NXPH1: variants seen among roughly 807,000 people sequenced by gnomAD.
The protein encoded by NXPH1 is neurexophilin 1.
In NXPH1, 5 loss-of-function variants were observed where a neutral mutation model predicts 23.7. The observed-to-expected ratio is 0.21, with a 90% CI of 0.11 to 0.44. The LOEUF is 0.44. Among genes scored for constraint, NXPH1 ranks in the 20% least tolerant of loss-of-function variants. The pLI is 0.99. For synonymous variants in NXPH1, 144 were observed against 122.2 expected, an observed-to-expected ratio of 1.18 and a Z score of -1.18; for missense variants, 324 against 321.6, an observed-to-expected ratio of 1.01 and a Z score of -0.06.
chr7:8,512,500 G>T (rs1281318051), intron 2 of NXPH1, among the ~76,000 whole-genome samples: 1 of 152,102 alleles, frequency 6.6e-6, no homozygotes, highest in Non-Finnish European at 1.5e-5. Flanking sequence ...TCCCCTTTTG[G>T]TAGGGGATAT....
At chr7:8,573,127 T>C (rs928911083) in intron 2 of NXPH1, among the ~76,000 whole-genome samples, 7 of 151,908 alleles carry the variant, frequency 4.6e-5, no homozygotes, top group Admixed American at 1.3e-4. Flanking sequence ...ACTGTGTACA[T>C]GCAATTTTCT....
At chr7:8,484,443 G>A (rs1426155923) in intron 2 of NXPH1, among the ~76,000 whole-genome samples, 1 of 152,054 alleles carries the variant, frequency 6.6e-6, no homozygotes, top group Admixed American at 6.6e-5. Flanking sequence ...CAAAGGATAT[G>A]TAATTTTGAC....
At chr7:8,506,850 A>G (rs74655865) in intron 2 of NXPH1, among the ~76,000 whole-genome samples, 12,424 of 152,036 alleles carry the variant, frequency 0.082, 1,094 homozygotes, top group East Asian at 0.2. Flanking sequence ...ATGAGGCTCA[A>G]TGAAGAGGGT....
intron 2 of NXPH1, among the ~76,000 whole-genome samples, chr7:8,570,794 AG>A (rs2128622070): frequency 1.3e-5 from 2 of 151,970 alleles, no homozygotes; most frequent in East Asian, 3.9e-4. Context: ...TGGAATGGAA[AG>A]GAACAGGGCA....
At chr7:8,468,859 T>C (rs1816825930) in intron 2 of NXPH1, among the ~76,000 whole-genome samples, 1 of 152,104 alleles carries the variant, frequency 6.6e-6, no homozygotes, top group South Asian at 2.1e-4. Flanking sequence ...AATAAAATTA[T>C]GGAAAGGTAG....
intron 2 of NXPH1, among the ~76,000 whole-genome samples, chr7:8,478,850 A>G (rs1421801524): frequency 1.3e-5 from 2 of 151,194 alleles, no homozygotes; most frequent in African/African-American, 2.5e-5. Context: ...ATACTTAAGA[A>G]ATTCAAAGAA....
At chr7:8,453,991 A>G (rs1701960574) in intron 2 of NXPH1, among the ~76,000 whole-genome samples, 1 of 152,180 alleles carries the variant, frequency 6.6e-6, no homozygotes. Context: ...ACTAAGGAAC[A>G]GAAAACCAAA....
At chr7:8,556,101 G>C (rs1221395384) in intron 2 of NXPH1, among the ~76,000 whole-genome samples, 1 of 151,580 alleles carries the variant, frequency 6.6e-6, no homozygotes, top group African/African-American at 2.4e-5. Context: ...GCCAGTGATT[G>C]GCAAACAGCA....
chr7:8,642,299 G>T (rs1820329241), intron 2 of NXPH1, among the ~76,000 whole-genome samples: 1 of 152,176 alleles, frequency 6.6e-6, no homozygotes, highest in Admixed American at 6.5e-5. Flanking sequence ...TTGCTCTGTT[G>T]TCTTACAGAT....
At chr7:8,466,296 C>T (rs149365404) in intron 2 of NXPH1, among the ~76,000 whole-genome samples, 25 of 152,244 alleles carry the variant, frequency 1.6e-4, no homozygotes, top group African/African-American at 4.8e-4. Flanking sequence ...TTAAATACAA[C>T]GCTAGTCTGT....
rs10235172 is a variant in NXPH1 at position 8,509,781 on chromosome 7, C to G, written c.54+74014C>G. 3.3e-3 allele frequency among the ~76,000 whole-genome samples: 506 copies of G among 152,206 alleles called. 3 individuals carry two copies. The highest frequency in any genetic ancestry group is 0.012 in the African/African-American group (493 of 41,552). On this transcript the variant is annotated intron_variant, in intron 2 of 2. Coordinates refer to ENST00000405863, the MANE Select transcript of NXPH1 (RefSeq NM_152745.3). ...ACCCATGAAACAGTTAACACATGTT[C>G]CAACAAAAGCAAAACCAATGTGAAA...
At chr7:8,630,285 C>T (rs954716612) in intron 2 of NXPH1, among the ~76,000 whole-genome samples, 1 of 151,882 alleles carries the variant, frequency 6.6e-6, no homozygotes, top group African/African-American at 2.4e-5. Context: ...TAATTCAATC[C>T]AATACTGAAA....
In NXPH1 at chr7:8,751,651, A is replaced by G. The variant is rs1184892342; in HGVS notation, c.698A>G (p.Lys233Arg). 2.5e-6 allele frequency: 4 copies of G among 1,613,292 alleles called. No individual in the cohort carries two copies. The highest frequency in any genetic ancestry group is 3.4e-6 in the Non-Finnish European group (4 of 1,179,668). The change falls in exon 3 of 3, where the codon AAG becomes AGG. Residue 233 changes from lysine to arginine, a missense_variant. By Grantham distance (26) the Lys-to-Arg change is conservative. Transcript: ENST00000405863. This position sits in a 1 kb window ranked among gnomAD's most constrained non-coding sequence, Gnocchi z 4.5. Reference protein sequence around the residue: ...TQSHVSWLCSKPFKVICIYIS... With the variant: ...TQSHVSWLCSRPFKVICIYIS... ...AGTCATGTATCCTGGCTCTGCTCCA[A>G]GCCCTTTAAGGTGATCTGTATTTAC... is the stretch of plus-strand genomic sequence containing the variant.
At chr7:8,499,876 C>A (rs1277009079) in intron 2 of NXPH1, among the ~76,000 whole-genome samples, 2 of 152,062 alleles carry the variant, frequency 1.3e-5, no homozygotes, top group East Asian at 3.9e-4. Flanking sequence ...CAGCAAAGAG[C>A]CTCCTTGTGC....
chr7:8,534,421 T>A (rs1584217227), intron 2 of NXPH1, among the ~76,000 whole-genome samples: 1 of 152,266 alleles, frequency 6.6e-6, no homozygotes, highest in East Asian at 1.9e-4. Flanking sequence ...TTGTAGACTG[T>A]GTAAAAACAT....
chr7:8,498,090 A>G (rs1817369156), intron 2 of NXPH1, among the ~76,000 whole-genome samples: 1 of 152,120 alleles, frequency 6.6e-6, no homozygotes. Flanking sequence ...AGAATATTGA[A>G]TCAAATGAGC....
At chr7:8,541,076 C>T (rs954978721) in intron 2 of NXPH1, among the ~76,000 whole-genome samples, 11 of 151,612 alleles carry the variant, frequency 7.3e-5, no homozygotes, top group Non-Finnish European at 3.0e-5. Context: ...AAAACACAAC[C>T]ACTAATGAGG....
intron 2 of NXPH1, among the ~76,000 whole-genome samples, chr7:8,443,581 G>A (rs545232840): frequency 6.6e-6 from 1 of 152,382 alleles, no homozygotes; most frequent in Non-Finnish European, 1.5e-5. Flanking sequence ...GTGAGGGAGA[G>A]GGTGGGGAGA....
chr7:8,544,271 G>A (rs191898591), intron 2 of NXPH1, among the ~76,000 whole-genome samples: 350 of 151,636 alleles, frequency 2.3e-3, no homozygotes, highest in Non-Finnish European at 3.8e-3. Context: ...TGTTTTGGGG[G>A]CTTTCTTGTA....
Sources: allele counts gnomAD v4.1 joint callset (sites outside exome capture counted in the v4.1 genomes callset), GRCh38; gene constraint gnomAD v4.1.1; non-coding constraint Gnocchi (gnomAD v3.1); transcripts MANE v1.5; gene names NCBI Gene and HGNC (gene_info 2026-07-23, HGNC 2026-07-21).